ZNF563: variants seen among roughly 807,000 people sequenced by gnomAD.
The protein encoded by ZNF563 is zinc finger protein 563.
Under a neutral mutation model 48.5 loss-of-function variants are expected in ZNF563, and 39 were observed. The observed-to-expected ratio is 0.80, with a 90% confidence interval of 0.62 to 1.05. The LOEUF is 1.05. Among genes scored for constraint, ZNF563 ranks in the 50% least tolerant of loss-of-function variants. The probability of loss-of-function intolerance (pLI) is 0.00; values close to 1 mark genes in which losing one functional copy is unlikely to be tolerated. For missense variants in ZNF563, 538 were observed against 597.0 expected (o/e 0.90, Z 1.03); for synonymous variants, 168 against 187.9 (o/e 0.89, Z 0.87).
chr19:12,322,123 T>C (rs1968644600), intron 2 of ZNF563, among the ~76,000 whole-genome samples: 1 of 152,150 alleles, frequency 6.6e-6, no homozygotes, highest in Admixed American at 6.5e-5. Flanking sequence ...TGGCGTGATC[T>C]TGGCTCACTG....
At chr19:12,321,642 A>C (rs1401312142) in intron 2 of ZNF563, among the ~76,000 whole-genome samples, 2 of 152,132 alleles carry the variant, frequency 1.3e-5, no homozygotes, top group Non-Finnish European at 2.9e-5. Context: ...ACGGGGTTTC[A>C]CCATGTTGGT....
upstream of ZNF563, among the ~76,000 whole-genome samples, chr19:12,336,103 C>T (rs1197180376): frequency 6.6e-6 from 1 of 152,158 alleles, no homozygotes; most frequent in Admixed American, 6.5e-5. Context: ...TCTTGGGTTT[C>T]TTCCTGTGTC....
intron 2 of ZNF563, among the ~76,000 whole-genome samples, chr19:12,322,212 C>G (rs527305880): frequency 2.4e-4 from 37 of 152,160 alleles, no homozygotes; most frequent in African/African-American, 8.9e-4. Context: ...TGCGCCACCA[C>G]GCCTGGCTAA....
intron 1 of ZNF563, among the ~76,000 whole-genome samples, chr19:12,333,138 G>C (rs148732040): frequency 1.9e-4 from 29 of 152,280 alleles, no homozygotes; most frequent in Non-Finnish European, 4.0e-4. Context: ...CTCCTCACAG[G>C]CACGAACCCC....
Position 12,319,243 on chromosome 19 carries a change from G to T in ZNF563, c.782C>A (p.Ala261Asp), listed in dbSNP as rs150602666. ...KPYECKQCSK[A>D]LPDSSSYIRH... ...TATATAGGAACTGGAATCAGGCAAG[G>T]CTTTAGAACACTGCTTACATTCATA... Residue 261 changes from alanine to aspartate, a missense_variant, in exon 4 of 4, where the codon GCC (alanine) becomes GAC (aspartate). By Grantham distance (126) the Ala-to-Asp change is moderately radical. Coordinates refer to ENST00000293725, the MANE Select transcript of ZNF563 (RefSeq NM_145276.3). 1 of 1,613,904 alleles carries T rather than the reference G, an allele frequency of 6.2e-7. No homozygotes were observed. The highest frequency in any genetic ancestry group is 2.2e-5 in the East Asian group (1 of 44,882).
chr19:12,342,605 G>A, the ZNF563 span, among the ~76,000 whole-genome samples: 4 of 149,796 alleles, frequency 2.7e-5, no homozygotes, highest in East Asian at 4.1e-4. Context: ...AGACTCTATC[G>A]CTACAAAAAA....
intron 3 of ZNF563, among the ~76,000 whole-genome samples, chr19:12,320,560 C>T (rs918677421): frequency 2.6e-5 from 4 of 151,704 alleles, no homozygotes; most frequent in African/African-American, 7.3e-5. Flanking sequence ...AGTGCAGTGG[C>T]GCAATCTCGG....
intron 1 of ZNF563, among the ~76,000 whole-genome samples, chr19:12,326,915 G>A (rs963081600): frequency 4.6e-5 from 7 of 152,046 alleles, no homozygotes; most frequent in African/African-American, 1.7e-4. Flanking sequence ...CAATGTATTG[G>A]GTGTTATAGG....
At chr19:12,345,436 G>C in the ZNF563 span, among the ~76,000 whole-genome samples, 2 of 152,160 alleles carry the variant, frequency 1.3e-5, no homozygotes, top group East Asian at 3.8e-4. Context: ...CTCATATACA[G>C]GGTGAAATGA....
rs781714436 is a variant in ZNF563 at position 12,319,011 on chromosome 19, T to C, written c.1014A>G (p.Lys338=). The C allele has an allele frequency of 1.2e-6, 2 of 1,614,206 alleles. No individual in the cohort carries two copies. The highest frequency in any genetic ancestry group is 1.7e-5 in the Admixed American group (1 of 60,018). ...CAAAGCCTTTCCCACATATCTTACA[T>C]TTATGAGGTCGATCTCCAGTGTGCC... ...MKRHTGDRPH[K]CKICGKGFDR... is the part of the protein sequence containing the mutation. Residue 338 remains lysine (K), a synonymous_variant, in exon 4 of 4, where the codon AAA becomes AAG. Coordinates refer to ENST00000293725, the MANE Select transcript of ZNF563 (RefSeq NM_145276.3).
upstream of ZNF563, among the ~76,000 whole-genome samples, chr19:12,337,732 A>G (rs1176342163): frequency 6.6e-6 from 1 of 152,204 alleles, no homozygotes; most frequent in Non-Finnish European, 1.5e-5. Flanking sequence ...AAATAAAAAC[A>G]TGTAAGAGTC....
Position 12,319,623 on chromosome 19 carries a change from C to T in ZNF563, c.402G>A (p.Gln134=), listed in dbSNP as rs1968552778. The T allele has an allele frequency of 6.2e-7, 1 of 1,614,168 alleles. No homozygotes were observed. The highest frequency in any genetic ancestry group is 8.5e-7 in the Non-Finnish European group (1 of 1,180,018). Residue 134 remains glutamine, a synonymous_variant, in exon 4 of 4, where the codon CAG becomes CAA. Transcript: ENST00000293725. ...GTGTATGTGGCTTCTCTCCATATTC[C>T]TGATACTCATGTGGTTTGTGTCCAG... ...VDSGHKPHEY[Q]EYGEKPHTHK... is the part of the protein sequence containing the mutation.
At position 12,321,295 on chromosome 19, in the gene ZNF563, G is replaced by C; in HGVS notation, c.168C>G (p.Tyr56Ter). 1 of 1,577,818 alleles carries C rather than the reference G, an allele frequency of 6.3e-7. No homozygotes were observed. The highest frequency in any genetic ancestry group is 8.6e-7 in the Non-Finnish European group (1 of 1,164,722). The change falls in exon 3 of 4, where the codon TAC (tyrosine) becomes TAG (stop). Residue 56 changes from tyrosine to a stop codon, truncating the protein, a stop_gained. Coordinates refer to ENST00000293725, the MANE Select transcript of ZNF563 (RefSeq NM_145276.3). LOFTEE classifies it high-confidence loss of function. Reference protein sequence around the residue: ...IWEEQNTEDQYKNPRRNLRCH... With the variant: ...IWEEQNTEDQ ...ACCTTAGATTTCTCCTAGGATTTTT[G>C]TACTGATCTTCAGTATTCTGTTCTT...
At chr19:12,321,781 C>T (rs1344669289) in intron 2 of ZNF563, among the ~76,000 whole-genome samples, 1 of 152,088 alleles carries the variant, frequency 6.6e-6, no homozygotes, top group Non-Finnish European at 1.5e-5. Context: ...GTTTGAACTG[C>T]ACAGCTCCAC....
chr19:12,333,205 G>A (rs1285031314), intron 1 of ZNF563, among the ~76,000 whole-genome samples: 1 of 152,216 alleles, frequency 6.6e-6, no homozygotes, highest in Non-Finnish European at 1.5e-5. Flanking sequence ...CAATCCTGGG[G>A]AGATGGGGGG....
chr19:12,331,419 C>G (rs1968914458), intron 1 of ZNF563, among the ~76,000 whole-genome samples: 1 of 152,188 alleles, frequency 6.6e-6, no homozygotes, highest in Non-Finnish European at 1.5e-5. Context: ...CACCACCTCA[C>G]TGGGGTAAGT....
chr19:12,319,916 CTT>C (rs61319567), intron 3 of ZNF563, 83 bp from the exon 4 acceptor site: 5,524 of 1,062,678 alleles, frequency 5.2e-3, no homozygotes, highest in South Asian at 6.7e-3. Flanking sequence ...ATTGGATGTA[CTT>C]TTTTTTTTTT....
At chr19:12,320,636 G>T (rs2145800728) in intron 3 of ZNF563, among the ~76,000 whole-genome samples, 1 of 151,984 alleles carries the variant, frequency 6.6e-6, no homozygotes, top group South Asian at 2.1e-4. Context: ...AGCAGCTGGG[G>T]TTACAGGTGC....
chr19:12,322,911 A>G (rs1217504793), intron 1 of ZNF563, among the ~76,000 whole-genome samples, 200 bp from the exon 2 acceptor site: 1 of 152,232 alleles, frequency 6.6e-6, no homozygotes, highest in Non-Finnish European at 1.5e-5. Flanking sequence ...TGGTAAAGTT[A>G]CAGTTGAATA....
Sources: allele counts gnomAD v4.1 joint callset (sites outside exome capture counted in the v4.1 genomes callset), GRCh38; gene constraint gnomAD v4.1.1; transcripts MANE v1.5; gene names NCBI Gene and HGNC (gene_info 2026-07-23, HGNC 2026-07-21).